The following TSNARE1 variants were observed in gnomAD, a reference collection of about 807,000 sequenced individuals.
The protein encoded by TSNARE1 is t-SNARE domain containing 1.
TSNARE1 carries 49 observed loss-of-function variants against 62.0 expected under a neutral mutation model. The ratio of observed to expected loss-of-function variants is 0.79; its 90% CI spans 0.63 to 1.00. The LOEUF is 1.00. Among genes scored for constraint, TSNARE1 ranks in the 50% least tolerant of loss-of-function variants. The pLI, the probability that TSNARE1 is intolerant of heterozygous loss-of-function variation, is 0.00. For synonymous variants in TSNARE1, 328 were observed against 294.4 expected (o/e 1.11, Z -1.17); for missense variants, 755 against 700.1 (o/e 1.08, Z -0.88).
At position 142,318,488 on chromosome 8, in the gene TSNARE1, C is replaced by T. The variant is rs937794902; in HGVS notation, c.984+56G>A. On this transcript the variant is annotated intron_variant, in intron 7 of 13. Transcript: ENST00000524325. ...TCGTGTGACATCCCTGCTCCCATCA[C>T]AGGCAGAGGGGTCCATTCCTCTCCT... The T allele has an allele frequency of 3.9e-6, 6 of 1,540,424 alleles. No individual in the cohort carries two copies. The African/African-American group carries it at 6.8e-5, about 17-fold the overall frequency.
intron 6 of TSNARE1, among the ~76,000 whole-genome samples, chr8:142,323,961 C>T (rs1829847460): frequency 6.6e-6 from 1 of 152,174 alleles, no homozygotes; most frequent in Non-Finnish European, 1.5e-5. Context: ...ACCAGCGAGG[C>T]CCATGTCAGT....
At chr8:142,222,468 TC>T (rs1816371234) in intron 13 of TSNARE1, among the ~76,000 whole-genome samples, 3 of 136,962 alleles carry the variant, frequency 2.2e-5, no homozygotes, top group Non-Finnish European at 3.3e-5. Context: ...ACTCATCCAC[TC>T]ATCCACTCAC....
At chr8:142,337,257 T>C (rs997195957) in intron 4 of TSNARE1, among the ~76,000 whole-genome samples, 2 of 152,186 alleles carry the variant, frequency 1.3e-5, no homozygotes, top group African/African-American at 4.8e-5. Flanking sequence ...GATTAATTGA[T>C]CTTGATCTTA....
intron 13 of TSNARE1, among the ~76,000 whole-genome samples, chr8:142,220,613 C>T (rs931853544): frequency 1.8e-4 from 28 of 152,216 alleles, no homozygotes; most frequent in African/African-American, 6.0e-4. Context: ...GCTTCTGATC[C>T]GCTCAGCACA....
chr8:142,396,606 C>A (rs28481982), intron 1 of TSNARE1, among the ~76,000 whole-genome samples: 3 of 152,106 alleles, frequency 2.0e-5, no homozygotes, highest in African/African-American at 4.8e-5. Context: ...CAGCCTGGTC[C>A]CCCTGGAGAG....
At chr8:142,292,328 G>T (rs1175722354) in intron 10 of TSNARE1, among the ~76,000 whole-genome samples, 1 of 152,242 alleles carries the variant, frequency 6.6e-6, no homozygotes, top group Admixed American at 6.5e-5. Context: ...GCGAGGGCCG[G>T]AGAGGAATGG....
At chr8:142,225,215 T>G (rs994941853) in intron 13 of TSNARE1, among the ~76,000 whole-genome samples, 4 of 77,364 alleles carry the variant, frequency 5.2e-5, no homozygotes, top group East Asian at 3.8e-4. Flanking sequence ...ACTCCCACCC[T>G]CCACGGCTTC....
chr8:142,319,245 C>T lies in TSNARE1; in HGVS notation c.894-611G>A, dbSNP rs1241967448. Reference sequence around the variant, plus strand: ...GGCCCGTCTCGGGGTCAGCTCCCCTCGGAAAGCCAGCAGGAGAATCAGGGC... The same window carrying T: ...GGCCCGTCTCGGGGTCAGCTCCCCTTGGAAAGCCAGCAGGAGAATCAGGGC... On this transcript the variant is annotated intron_variant, in intron 6 of 13. Coordinates refer to ENST00000524325, the MANE Select transcript of TSNARE1 (RefSeq NM_145003.5). The surrounding 1 kb of genome is among the most constrained non-coding windows in gnomAD (Gnocchi z 4.9). 6.6e-6 allele frequency among the ~76,000 whole-genome samples: 1 copy of T among 152,070 alleles called. No homozygotes were observed. The highest frequency in any genetic ancestry group is 2.1e-4 in the South Asian group (1 of 4,800).
chr8:142,270,031 A>C, intron 12 of TSNARE1: 1 of 985,400 alleles, frequency 1.0e-6, no homozygotes, highest in Non-Finnish European at 1.2e-6. Flanking sequence ...CCTCCCACTC[A>C]AGCCAGTCAG....
chr8:142,318,441 G>A lies in TSNARE1; in HGVS notation c.984+103C>T, dbSNP rs115388807. The A allele has an allele frequency of 6.3e-5, 74 of 1,174,624 alleles. 1 individual carries two copies. Among genetic ancestry groups the A allele is most frequent in the African/African-American group, 2.4e-4 (16 of 66,388 alleles). The allele number at this position is 1,174,624 out of a possible 1,614,324, so 72.8% of individuals were successfully genotyped here. A position where few individuals can be genotyped will look rare whatever the true frequency, so the allele number is the denominator to read the frequency against. On this transcript the variant is annotated intron_variant, in intron 7 of 13. Transcript: ENST00000524325. ...GGCCAGTCTGTGTCCATCCACACACGTCAGCCTCCCTGTATCCTGCCTCGT... is the reference window on the plus strand; with the variant it reads ...GGCCAGTCTGTGTCCATCCACACACATCAGCCTCCCTGTATCCTGCCTCGT...
chr8:142,283,063 T>A (rs1222246233), intron 11 of TSNARE1, among the ~76,000 whole-genome samples: 1 of 144,012 alleles, frequency 6.9e-6, no homozygotes, highest in Non-Finnish European at 1.5e-5. Flanking sequence ...TGTCTGTCAG[T>A]GAGCGGAGGT....
intron 4 of TSNARE1, among the ~76,000 whole-genome samples, chr8:142,336,282 C>CAAAAAAA (rs749299318): frequency 1.2e-4 from 3 of 25,138 alleles, no homozygotes; most frequent in Admixed American, 4.7e-4. Context: ...GACCCTGTCT[C>CAAAAAAA]AAAAAAAAAA....
intron 1 of TSNARE1, among the ~76,000 whole-genome samples, chr8:142,387,832 G>A (rs1157769888): frequency 6.6e-6 from 1 of 152,174 alleles, no homozygotes; most frequent in Admixed American, 6.5e-5. Context: ...CCACTCTTTA[G>A]AGACCAGGCA....
chr8:142,375,405 C>T (rs1836255639), intron 1 of TSNARE1, among the ~76,000 whole-genome samples: 1 of 152,248 alleles, frequency 6.6e-6, no homozygotes, highest in Non-Finnish European at 1.5e-5. Flanking sequence ...CGGGTGTGTC[C>T]CTAAGTCTCT....
In TSNARE1 at chr8:142,319,734, C is replaced by T. The variant is rs1166522787; in HGVS notation, c.894-1100G>A. ...GCCAAGCCTACAGGAGCGGGGCCCA[C>T]CTCCTGATACCCACCCTGGGCGGGC... On this transcript the variant is annotated intron_variant, in intron 6 of 13. Transcript: ENST00000524325. The surrounding 1 kb of genome is among the most constrained non-coding windows in gnomAD (Gnocchi z 4.9). Among the ~76,000 whole-genome samples the T allele has an allele frequency of 1.3e-5, 2 of 152,158 alleles. No homozygotes were observed. Among genetic ancestry groups the T allele is most frequent in the African/African-American group, 4.8e-5 (2 of 41,440 alleles).
chr8:142,386,462 T>G (rs985966451), intron 1 of TSNARE1, among the ~76,000 whole-genome samples: 3 of 151,946 alleles, frequency 2.0e-5, no homozygotes, highest in Non-Finnish European at 4.4e-5. Flanking sequence ...TAACAATACA[T>G]GCACACACAA....
intron 12 of TSNARE1, chr8:142,271,244 C>A: frequency 2.0e-6 from 2 of 1,017,218 alleles, no homozygotes; most frequent in South Asian, 4.6e-5. Context: ...CCGGGTAGGG[C>A]GTGCTTCCAC....
At chr8:142,268,164 C>A (rs2130450997) in intron 12 of TSNARE1, among the ~76,000 whole-genome samples, 1 of 152,354 alleles carries the variant, frequency 6.6e-6, no homozygotes, top group African/African-American at 2.4e-5. Flanking sequence ...CCATTCCATG[C>A]CCCCACTGGA....
Position 142,291,712 on chromosome 8 carries a change from T to C in TSNARE1, c.1291-7227A>G, listed in dbSNP as rs1563842002. 2.0e-5 allele frequency among the ~76,000 whole-genome samples: 3 copies of C among 151,978 alleles called. No homozygotes were observed. The highest frequency in any genetic ancestry group is 4.4e-5 in the Non-Finnish European group (3 of 67,986). ...ATCCTAACGAGAACCCAACAGTGTG[T>C]GGGGGGCGAGCGTGGGAGCGGCAGG... On this transcript the variant is annotated intron_variant, in intron 10 of 13. Transcript: ENST00000524325. This position sits in a 1 kb window ranked among gnomAD's most constrained non-coding sequence, Gnocchi z 4.8.
Sources: gnomAD v4.1 joint callset for allele counts (sites outside exome capture counted in the v4.1 genomes callset) on GRCh38, gnomAD v4.1.1 for gene constraint, Gnocchi (gnomAD v3.1) non-coding constraint, MANE v1.5 for transcripts, NCBI Gene and HGNC (gene_info 2026-07-23, HGNC 2026-07-21) for gene names.